PTPRN2: variants seen among roughly 807,000 people sequenced by gnomAD.
PTPRN2 encodes protein tyrosine phosphatase receptor type N2.
PTPRN2 carries 74 observed loss-of-function variants against 118.8 expected under a neutral mutation model. That is an observed-to-expected ratio of 0.62 (90% CI 0.52 to 0.76). The LOEUF is 0.76. Among genes scored for constraint, PTPRN2 ranks in the 30% least tolerant of loss-of-function variants. PTPRN2 has a pLI of 0.00. For missense variants in PTPRN2, 1,481 were observed against 1,394.4 expected (o/e 1.06, Z -0.99); for synonymous variants, 641 against 608.0 (o/e 1.05, Z -0.80).
chr7:157,810,195 G>T (rs753392062), intron 12 of PTPRN2, among the ~76,000 whole-genome samples: 68 of 152,252 alleles, frequency 4.5e-4, no homozygotes, highest in African/African-American at 1.6e-3. Context: ...AAAGCCAACC[G>T]TTGTTGTTTA....
rs532339428 is a variant in PTPRN2, at chr7:158,438,194, A to T, written c.163+51541T>A. Among the ~76,000 whole-genome samples the T allele has an allele frequency of 6.6e-6, 1 of 152,230 alleles. No homozygotes were observed. The highest frequency in any genetic ancestry group is 2.1e-4 in the South Asian group (1 of 4,820). ...GGAATTTGAGACCAGCCTGGCCAAC[A>T]TGGTGAAACCCCGTCTCTACTAAAA... On this transcript the variant is annotated intron_variant, in intron 2 of 22. Coordinates refer to ENST00000389418, the MANE Select transcript of PTPRN2 (RefSeq NM_002847.5). The surrounding 1 kb of genome is among the most constrained non-coding windows in gnomAD (Gnocchi z 4.7).
chr7:158,265,022 G>A (rs1421068264), intron 3 of PTPRN2, among the ~76,000 whole-genome samples: 3 of 152,082 alleles, frequency 2.0e-5, no homozygotes, highest in Non-Finnish European at 4.4e-5. Flanking sequence ...TCCTACTCCA[G>A]GCCCCACAGC....
rs76528897 is a variant in PTPRN2 at position 157,676,980 on chromosome 7, A to T, written c.2001+5745T>A. Among the ~76,000 whole-genome samples, 952 of 152,140 alleles carry T rather than the reference A, an allele frequency of 6.3e-3. 42 individuals carry two copies. The South Asian group carries it at 0.12, about 19-fold the overall frequency. Reference sequence around the variant, plus strand: ...AGCACCCGCTCCACAGACACCACGCACACCGCCCCTCCCCTGGTGCTGTGT... The same window carrying T: ...AGCACCCGCTCCACAGACACCACGCTCACCGCCCCTCCCCTGGTGCTGTGT... On this transcript the variant is annotated intron_variant, in intron 13 of 22. Coordinates refer to ENST00000389418, the MANE Select transcript of PTPRN2 (RefSeq NM_002847.5). This position sits in a 1 kb window ranked among gnomAD's most constrained non-coding sequence, Gnocchi z 5.6.
At chr7:157,928,501 C>T (rs376723622) in intron 11 of PTPRN2, among the ~76,000 whole-genome samples, 9 of 152,038 alleles carry the variant, frequency 5.9e-5, no homozygotes, top group African/African-American at 2.2e-4. Flanking sequence ...AACTGGCTCC[C>T]CCAGGTCCAC....
chr7:158,030,651 G>C (rs939261437), intron 11 of PTPRN2: 1 of 152,512 alleles, frequency 6.6e-6, no homozygotes, highest in Non-Finnish European at 1.5e-5. Context: ...AGAGGTGGGA[G>C]GGAGGCCCCT....
Position 158,464,506 on chromosome 7 carries a change from C to T in PTPRN2, c.163+25229G>A, listed in dbSNP as rs545499235. On this transcript the variant is annotated intron_variant, in intron 2 of 22. Coordinates refer to ENST00000389418, the MANE Select transcript of PTPRN2 (RefSeq NM_002847.5). ...TTGCCATGCCATTTAATAAATAATC[C>T]TTCATCATCACCATCATCATCCTTA... is the stretch of plus-strand genomic sequence containing the variant. Among the ~76,000 whole-genome samples, 5 of 148,634 alleles carry T rather than the reference C, an allele frequency of 3.4e-5. No individual in the cohort carries two copies. The South Asian group carries it at 1.1e-3, about 33-fold the overall frequency.
At chr7:158,292,819 G>A (rs1000989122) in intron 3 of PTPRN2, among the ~76,000 whole-genome samples, 2 of 152,208 alleles carry the variant, frequency 1.3e-5, no homozygotes, top group African/African-American at 2.4e-5. Context: ...TGTAATCCCA[G>A]CACTTTGGGA....
intron 1 of PTPRN2, among the ~76,000 whole-genome samples, chr7:158,532,276 T>C (rs1825303255): frequency 6.6e-6 from 1 of 152,212 alleles, no homozygotes; most frequent in Non-Finnish European, 1.5e-5. Flanking sequence ...TCTTGGCCTC[T>C]GTCCATTCTC....
chr7:157,559,119 G>A (rs1799050449), intron 21 of PTPRN2, among the ~76,000 whole-genome samples: 1 of 152,242 alleles, frequency 6.6e-6, no homozygotes, highest in Non-Finnish European at 1.5e-5. Context: ...GATTCCACGG[G>A]ACAGCGTGTG....
chr7:158,459,876 T>C (rs113564937), intron 2 of PTPRN2, among the ~76,000 whole-genome samples: 979 of 51,672 alleles, frequency 0.019, 44 homozygotes, highest in South Asian at 0.02. Context: ...TGCTAGAGGG[T>C]CTGTGTGCCG....
chr7:157,775,671 C>T (rs562383586), intron 12 of PTPRN2, among the ~76,000 whole-genome samples: 2 of 152,114 alleles, frequency 1.3e-5, no homozygotes, highest in Admixed American at 1.3e-4. Context: ...TCGGGGCAGT[C>T]CCCACACAAG....
At chr7:157,706,413 C>T (rs1185257191) in intron 12 of PTPRN2, among the ~76,000 whole-genome samples, 2 of 152,026 alleles carry the variant, frequency 1.3e-5, no homozygotes, top group Admixed American at 6.5e-5. Context: ...AATGTGACCC[C>T]AGTGCCTTCC....
chr7:158,016,527 A>G (rs145390009), intron 11 of PTPRN2, among the ~76,000 whole-genome samples: 2,120 of 152,332 alleles, frequency 0.014, 48 homozygotes, highest in African/African-American at 0.048. Context: ...CACACCCATC[A>G]GATTAGCAGA....
At chr7:157,714,904 A>G (rs1798825611) in intron 12 of PTPRN2, among the ~76,000 whole-genome samples, 1 of 151,730 alleles carries the variant, frequency 6.6e-6, no homozygotes, top group Non-Finnish European at 1.5e-5. Context: ...TTCCCCAGGG[A>G]ATGGCTCCAA....
rs574277123 is a variant in PTPRN2 at position 158,194,214 on chromosome 7, G to A, written c.381-1719C>T. On this transcript the variant is annotated intron_variant, in intron 4 of 22. Coordinates refer to ENST00000389418, the MANE Select transcript of PTPRN2 (RefSeq NM_002847.5). ...TGTCTGTGTATGTGTGCGCCTGCAC[G>A]CACACACCATGCTTCTAATAAAATG... 1.1e-4 allele frequency among the ~76,000 whole-genome samples: 16 copies of A among 152,312 alleles called. No individual in the cohort carries two copies. The East Asian group carries it at 1.5e-3, about 15-fold the overall frequency.
intron 2 of PTPRN2, among the ~76,000 whole-genome samples, chr7:158,400,272 G>C (rs1812833899): frequency 6.6e-6 from 1 of 152,088 alleles, no homozygotes; most frequent in African/African-American, 2.4e-5. Flanking sequence ...CCAAGCAGAT[G>C]CGCTACCCTA....
chr7:157,749,237 T>G (rs1177802658), intron 12 of PTPRN2, among the ~76,000 whole-genome samples: 2 of 98,124 alleles, frequency 2.0e-5, no homozygotes, highest in Non-Finnish European at 3.9e-5. Flanking sequence ...TGTGGGCTGT[T>G]GAGGTGATTC....
At chr7:157,654,478 A>C (rs1312068635) in intron 14 of PTPRN2, among the ~76,000 whole-genome samples, 1 of 152,196 alleles carries the variant, frequency 6.6e-6, no homozygotes, top group Non-Finnish European at 1.5e-5. Flanking sequence ...CACAGAGTCT[A>C]AGTCAGCCGG....
At chr7:157,658,394 CA>C (rs1795703342) in intron 13 of PTPRN2, among the ~76,000 whole-genome samples, 1 of 152,198 alleles carries the variant, frequency 6.6e-6, no homozygotes. Context: ...GAGTAGACAC[CA>C]AAGCAGAAGT....
Sources: allele counts gnomAD v4.1 joint callset (sites outside exome capture counted in the v4.1 genomes callset), GRCh38; gene constraint gnomAD v4.1.1; non-coding constraint Gnocchi (gnomAD v3.1); transcripts MANE v1.5; gene names NCBI Gene and HGNC (gene_info 2026-07-23, HGNC 2026-07-21).